The following SGCZ variants were observed in gnomAD, a reference collection of about 807,000 sequenced individuals.
The protein encoded by SGCZ is zeta-sarcoglycan.
Under a neutral mutation model 41.3 loss-of-function variants are expected in SGCZ, and 40 were observed. That is an observed-to-expected ratio of 0.97 (90% CI 0.75 to 1.26). The LOEUF is 1.26. Among genes scored for constraint, SGCZ ranks in the 50% most tolerant of loss-of-function variants. The probability of loss-of-function intolerance (pLI) is 0.00; values close to 1 mark genes in which losing one functional copy is unlikely to be tolerated. For synonymous variants in SGCZ, 206 were observed against 137.5 expected (o/e 1.50, Z -3.49); for missense variants, 552 against 369.8 (o/e 1.49, Z -4.04).
intron 1 of SGCZ, among the ~76,000 whole-genome samples, chr8:15,084,949 G>C (rs943146103): frequency 6.6e-6 from 1 of 152,092 alleles, no homozygotes; most frequent in Non-Finnish European, 1.5e-5. Context: ...AGCTCCATTA[G>C]CAATAGTCAG....
intron 1 of SGCZ, among the ~76,000 whole-genome samples, chr8:14,949,020 C>CT (rs1800544601): frequency 1.3e-5 from 2 of 152,080 alleles, no homozygotes; most frequent in Admixed American, 1.3e-4. Context: ...AAAGATTCCC[C>CT]TCACATACTG....
rs142611709 is a variant in SGCZ at position 15,225,109 on chromosome 8, T to C, written c.39+12476A>G. ...TAATCTAATGGACATATATAGGAAT[T>C]AATCCCCAACAAGTGAAAACATACA... On this transcript the variant is annotated intron_variant, in intron 1 of 7. Transcript: ENST00000382080. Among the ~76,000 whole-genome samples, 358 of 152,222 alleles carry C rather than the reference T, an allele frequency of 2.4e-3. 2 individuals carry two copies. Among genetic ancestry groups the C allele is most frequent in the African/African-American group, 8.3e-3 (346 of 41,554 alleles).
chr8:15,122,512 G>T (rs1807521507), intron 1 of SGCZ, among the ~76,000 whole-genome samples: 1 of 152,070 alleles, frequency 6.6e-6, no homozygotes, highest in Non-Finnish European at 1.5e-5. Flanking sequence ...CATGGGAAAG[G>T]ATAAGCACAA....
chr8:15,174,027 T>C (rs1799929688), intron 1 of SGCZ, among the ~76,000 whole-genome samples: 2 of 152,206 alleles, frequency 1.3e-5, no homozygotes, highest in Non-Finnish European at 2.9e-5. Context: ...CGTTATACTT[T>C]ATTTAAACAT....
At chr8:15,022,328 T>C (rs1563444833) in intron 1 of SGCZ, among the ~76,000 whole-genome samples, 3 of 152,192 alleles carry the variant, frequency 2.0e-5, no homozygotes, top group East Asian at 3.9e-4. Context: ...TGAAATGATA[T>C]CTTTTTTTTA....
chr8:14,774,706 A>G (rs1389164501), intron 1 of SGCZ, among the ~76,000 whole-genome samples: 2 of 152,226 alleles, frequency 1.3e-5, no homozygotes, highest in Non-Finnish European at 2.9e-5. Flanking sequence ...AGAAATCGCT[A>G]GCTTGAAATG....
rs1196899911 is a variant in SGCZ, at chr8:14,102,511, AC to A, written c.621-13del. 2.7e-5 allele frequency: 37 copies of A among 1,390,296 alleles called. No individual in the cohort carries two copies. The highest frequency in any genetic ancestry group is 3.2e-5 in the Non-Finnish European group (34 of 1,058,534). 86.1% of individuals were successfully genotyped at this position (1,390,296 alleles called of 1,614,324 possible). ...TGGGTGATTCAAGCCTAAGGGAAAA[AC>A]AAAAAATCATTAATAGGAAAAAAAA... On this transcript the variant is annotated splice_polypyrimidine_tract_variant and intron_variant, in intron 6 of 7. Transcript: ENST00000382080.
intron 3 of SGCZ, among the ~76,000 whole-genome samples, chr8:14,240,168 A>C (rs1300848225): frequency 1.3e-5 from 2 of 151,342 alleles, no homozygotes; most frequent in Non-Finnish European, 2.9e-5. Flanking sequence ...CTCTACTAAA[A>C]ATACGAAAAA....
chr8:14,762,681 T>G (rs982535653), intron 1 of SGCZ, among the ~76,000 whole-genome samples: 7 of 152,244 alleles, frequency 4.6e-5, no homozygotes, highest in Non-Finnish European at 1.0e-4. Context: ...TATGATTTGT[T>G]GAACTTTATC....
At chr8:14,913,813 A>G (rs1034471732) in intron 1 of SGCZ, among the ~76,000 whole-genome samples, 2 of 152,114 alleles carry the variant, frequency 1.3e-5, no homozygotes, top group African/African-American at 2.4e-5. Context: ...AAGGCAGCAC[A>G]TATTTCTTTA....
chr8:15,125,182 G>A (rs1340630265), intron 1 of SGCZ, among the ~76,000 whole-genome samples: 1 of 152,094 alleles, frequency 6.6e-6, no homozygotes. Context: ...CAAAGGAGAT[G>A]ATCGAATTAC....
At chr8:15,073,601 C>A (rs1013123213) in intron 1 of SGCZ, among the ~76,000 whole-genome samples, 1 of 152,082 alleles carries the variant, frequency 6.6e-6, no homozygotes, top group African/African-American at 2.4e-5. Context: ...AACTGCTCTC[C>A]ATAATGTGGG....
At chr8:14,096,653 TG>T (rs1801853900) in intron 7 of SGCZ, among the ~76,000 whole-genome samples, 1 of 152,178 alleles carries the variant, frequency 6.6e-6, no homozygotes, top group Non-Finnish European at 1.5e-5. Flanking sequence ...CTTTTTCTAT[TG>T]ATTGGAATAG....
chr8:14,911,068 T>A (rs1182193428), intron 1 of SGCZ, among the ~76,000 whole-genome samples: 1 of 152,090 alleles, frequency 6.6e-6, no homozygotes, highest in Admixed American at 6.6e-5. Flanking sequence ...ATATGTGCTT[T>A]ACTATTTTTA....
intron 1 of SGCZ, among the ~76,000 whole-genome samples, chr8:15,190,810 C>T (rs75822985): frequency 7.2e-5 from 11 of 151,882 alleles, no homozygotes; most frequent in South Asian, 2.1e-4. Flanking sequence ...AACTATAACA[C>T]GATAAATAGT....
rs537696758 is a variant in SGCZ, at chr8:14,422,060, T to C, written c.235-97856A>G. On this transcript the variant is annotated intron_variant, in intron 2 of 7. Coordinates refer to ENST00000382080, the MANE Select transcript of SGCZ (RefSeq NM_139167.4). ...ATTTCTTTTTAATACTCAAAGTTCC[T>C]TGATATCTAAACAAATGCAAAGTCT... 1.3e-3 allele frequency among the ~76,000 whole-genome samples: 199 copies of C among 152,288 alleles called. 1 individual carries two copies. Among genetic ancestry groups the C allele is most frequent in the African/African-American group, 4.7e-3 (196 of 41,568 alleles).
intron 5 of SGCZ, among the ~76,000 whole-genome samples, chr8:14,123,515 A>C (rs1388527882): frequency 1.3e-5 from 2 of 152,182 alleles, no homozygotes; most frequent in Admixed American, 1.3e-4. Context: ...CCTACTTTTC[A>C]AGGCATGTCA....
At chr8:15,177,366 T>C (rs1800031637) in intron 1 of SGCZ, among the ~76,000 whole-genome samples, 1 of 152,142 alleles carries the variant, frequency 6.6e-6, no homozygotes, top group East Asian at 1.9e-4. Context: ...GGCTAAAATA[T>C]GTTGTAAAAT....
chr8:15,029,605 T>C (rs1258276384), intron 1 of SGCZ, among the ~76,000 whole-genome samples: 1 of 152,092 alleles, frequency 6.6e-6, no homozygotes, highest in East Asian at 1.9e-4. Context: ...GTTAAATAAA[T>C]TTTGTTCCCT....
Sources: gnomAD v4.1 joint callset for allele counts (sites outside exome capture counted in the v4.1 genomes callset) on GRCh38, gnomAD v4.1.1 for gene constraint, MANE v1.5 for transcripts, NCBI Gene and HGNC (gene_info 2026-07-23, HGNC 2026-07-21) for gene names.